The following STAB2 variants were observed in gnomAD, a reference collection of about 807,000 sequenced individuals.
The protein encoded by STAB2 is stabilin 2, also known as stabilin-2.
A neutral mutation model predicts 338.1 loss-of-function variants in STAB2; 288 were observed. That is an observed-to-expected ratio of 0.85 (90% CI 0.77 to 0.94). The LOEUF (loss-of-function observed/expected upper bound fraction) is 0.94, where lower values mean the gene tolerates loss of function less well. STAB2 is among the 40% of genes least tolerant of loss of function. The pLI is 0.00. For missense variants in STAB2, 3,141 were observed against 3,210.1 expected (o/e 0.98, Z 0.52); for synonymous variants, 1,202 against 1,193.3 (o/e 1.01, Z -0.15).
intron 9 of STAB2, 100 bp from the exon 10 acceptor site, chr12:103,648,590 G>A (rs891323059): frequency 1.0e-4 from 153 of 1,481,260 alleles, no homozygotes; most frequent in African/African-American, 2.8e-5. Context: ...TCAACCCTGG[G>A]CATCCTTTGC....
At position 103,749,029 on chromosome 12, in the gene STAB2, C is replaced by T. The variant is rs781390859; in HGVS notation, c.6311C>T (p.Thr2104Met). ...GTGGCCAGATGCTCCCAGAAGGGCA[C>T]GAAGGTCTCCTGCAGCTGCCAGAAG... ...AKVARCSQKG[T>M]KVSCSCQKGY... Residue 2104 changes from threonine (T) to methionine (M), a missense_variant, in exon 59 of 69, where the codon ACG (threonine) becomes ATG (methionine). Thr to Met is a moderately conservative substitution (Grantham distance 81, BLOSUM62 -1). Coordinates refer to ENST00000388887, the MANE Select transcript of STAB2 (RefSeq NM_017564.10). The T allele has an allele frequency of 2.7e-5, 44 of 1,613,922 alleles. No homozygotes were observed. Among genetic ancestry groups the T allele is most frequent in the East Asian group, 8.9e-5 (4 of 44,882 alleles).
chr12:103,668,055 A>G (rs1193074410), intron 19 of STAB2, among the ~76,000 whole-genome samples: 1 of 152,220 alleles, frequency 6.6e-6, no homozygotes, highest in Non-Finnish European at 1.5e-5. Flanking sequence ...TGGCATGAGA[A>G]ACATCCACAT....
chr12:103,660,269 C>G, intron 15 of STAB2, 62 bp from the exon 16 acceptor site: 1 of 1,522,334 alleles, frequency 6.6e-7, no homozygotes. Context: ...GAAGAGGATT[C>G]CACAAGAGTG....
In STAB2 at chr12:103,708,536, G is replaced by C; in HGVS notation, c.4288G>C (p.Ala1430Pro). Reference protein sequence around the residue: ...VGWRGVHCDNATTEDNCNGTC... With the variant: ...VGWRGVHCDNPTTEDNCNGTC... ...CTGGCGAGGAGTGCATTGTGACAATGGTAAGAGTGAGGCCTCCAGTATTTA... is the reference window on the plus strand; with the variant it reads ...CTGGCGAGGAGTGCATTGTGACAATCGTAAGAGTGAGGCCTCCAGTATTTA... Residue 1430 changes from alanine to proline, a missense_variant and splice_region_variant, in exon 39 of 69, where the codon GCA becomes CCA. By Grantham distance (27) the Ala-to-Pro change is conservative. Transcript: ENST00000388887. 6.2e-7 allele frequency: 1 copy of C among 1,613,910 alleles called. No individual in the cohort carries two copies. The highest frequency in any genetic ancestry group is 2.2e-5 in the East Asian group (1 of 44,892).
chr12:103,633,797 T>C (rs2138673102), intron 6 of STAB2, among the ~76,000 whole-genome samples: 1 of 152,362 alleles, frequency 6.6e-6, no homozygotes, highest in East Asian at 1.9e-4. Context: ...TTTATTTTCA[T>C]TTGTTTTTTT....
chr12:103,758,240 T>C lies in STAB2; in HGVS notation c.7058T>C (p.Ile2353Thr). ...AFLEHLTDLS[I>T]RGTLFVPQNS... ...CTAGAACACCTGACTGACCTGTCCA[T>C]CCGCGGCACCCTCTTTGTGCCACAG... Residue 2353 changes from isoleucine (I) to threonine (T), a missense_variant, in exon 64 of 69, where the codon ATC becomes ACC. Transcript: ENST00000388887. The C allele has an allele frequency of 6.2e-7, 1 of 1,614,098 alleles. No individual in the cohort carries two copies. The highest frequency in any genetic ancestry group is 8.5e-7 in the Non-Finnish European group (1 of 1,180,014).
intron 9 of STAB2, 90 bp from the exon 10 acceptor site, chr12:103,648,600 C>T (rs1873502483): frequency 1.3e-6 from 2 of 1,518,968 alleles, no homozygotes; most frequent in South Asian, 2.7e-5. Context: ...GCATCCTTTG[C>T]TCCATCTGTT....
chr12:103,692,305 T>G (rs1169640725), intron 30 of STAB2, among the ~76,000 whole-genome samples: 1 of 152,216 alleles, frequency 6.6e-6, no homozygotes. Flanking sequence ...AGGACCTCAC[T>G]TTAACTTGAT....
At chr12:103,741,911 C>T (rs1030529571) in intron 55 of STAB2, among the ~76,000 whole-genome samples, 1 of 152,166 alleles carries the variant, frequency 6.6e-6, no homozygotes, top group Non-Finnish European at 1.5e-5. Context: ...TTGAGAGCCC[C>T]CATGACCACC....
intron 50 of STAB2, among the ~76,000 whole-genome samples, chr12:103,732,779 G>A (rs946180228): frequency 5.3e-5 from 8 of 152,106 alleles, no homozygotes; most frequent in Non-Finnish European, 8.8e-5. Context: ...CACTCCAGCC[G>A]GGGCAACAGA....
intron 12 of STAB2, among the ~76,000 whole-genome samples, chr12:103,653,150 GT>G (rs1873871754): frequency 1.3e-5 from 2 of 152,008 alleles, no homozygotes; most frequent in Non-Finnish European, 1.5e-5. Context: ...AGTTCTGTTT[GT>G]TTTTTATATA....
chr12:103,623,763 G>A (rs1482164292), intron 5 of STAB2, among the ~76,000 whole-genome samples: 3 of 152,186 alleles, frequency 2.0e-5, no homozygotes, highest in Admixed American at 6.5e-5. Flanking sequence ...AGCAGCAACA[G>A]GGAATTAATA....
rs1389383640 is a variant in STAB2, at chr12:103,705,739, A to C, written c.3996+12A>C. On this transcript the variant is annotated intron_variant, in intron 37 of 68. Transcript: ENST00000388887. ...TGAGAACCGTCATTGTGAGTACAATAATTGAATCATACTAACTACTGCAGC... is the reference window on the plus strand; with the variant it reads ...TGAGAACCGTCATTGTGAGTACAATCATTGAATCATACTAACTACTGCAGC... The C allele has an allele frequency of 1.2e-6, 2 of 1,612,706 alleles. No homozygotes were observed. The highest frequency in any genetic ancestry group is 2.2e-5 in the East Asian group (1 of 44,874).
At chr12:103,762,742 C>T (rs2292682) in intron 67 of STAB2, among the ~76,000 whole-genome samples, 38,530 of 152,204 alleles carry the variant, frequency 0.25, 5,437 homozygotes, top group South Asian at 0.47. Flanking sequence ...ACTGCACAAG[C>T]ACACCCCATG....
At chr12:103,734,909 C>T (rs1441632633) in intron 51 of STAB2, among the ~76,000 whole-genome samples, 2 of 152,172 alleles carry the variant, frequency 1.3e-5, no homozygotes, top group Non-Finnish European at 2.9e-5. Flanking sequence ...TCCCTCCAAT[C>T]TGTCTCTGCC....
chr12:103,727,495 C>T (rs1881305455), intron 47 of STAB2, 145 bp downstream of exon 47: 3 of 911,494 alleles, frequency 3.3e-6, no homozygotes, highest in Non-Finnish European at 3.5e-6. Context: ...GGGGCTGCCT[C>T]TTGGCACAGG....
chr12:103,603,725 C>T (rs947062633), intron 3 of STAB2, among the ~76,000 whole-genome samples: 14 of 152,124 alleles, frequency 9.2e-5, no homozygotes, highest in Non-Finnish European at 1.9e-4. Context: ...AGTTTAGGAT[C>T]AATTTGTCAA....
chr12:103,606,612 A>G (rs1386533295), intron 3 of STAB2, among the ~76,000 whole-genome samples: 1 of 152,120 alleles, frequency 6.6e-6, no homozygotes, highest in African/African-American at 2.4e-5. Context: ...ATTGTTGTAT[A>G]TAGAATTTTA....
At chr12:103,638,352 T>G (rs1442232169) in intron 8 of STAB2, 140 bp downstream of exon 8, 2 of 918,594 alleles carry the variant, frequency 2.2e-6, no homozygotes, top group East Asian at 5.3e-5. Context: ...CAGTCCTCCA[T>G]GTGCTCAGAG....
Sources: allele counts gnomAD v4.1 joint callset (sites outside exome capture counted in the v4.1 genomes callset), GRCh38; gene constraint gnomAD v4.1.1; transcripts MANE v1.5; gene names NCBI Gene and HGNC (gene_info 2026-07-23, HGNC 2026-07-21).